The following DTNB variants were observed in gnomAD, a reference collection of about 807,000 sequenced individuals.
DTNB encodes dystrobrevin beta, also known as DTN-B.
In DTNB, 63 loss-of-function variants were observed where a neutral mutation model predicts 90.7. The observed-to-expected ratio is 0.69, with a 90% CI of 0.57 to 0.86. The LOEUF is 0.86. DTNB is among the 40% of genes least tolerant of loss of function. The pLI, the probability that DTNB is intolerant of heterozygous loss-of-function variation, is 0.00. For missense variants in DTNB, 744 were observed against 807.1 expected, an observed-to-expected ratio of 0.92 and a Z score of 0.95; for synonymous variants, 277 against 286.7, an observed-to-expected ratio of 0.97 and a Z score of 0.34.
intron 7 of DTNB, among the ~76,000 whole-genome samples, chr2:25,578,568 C>G (rs2061060918): frequency 6.6e-6 from 1 of 152,152 alleles, no homozygotes; most frequent in South Asian, 2.1e-4. Flanking sequence ...ACCTTCTCTT[C>G]CAAACCACTC....
At chr2:25,513,777 A>T (rs1272099176) in intron 9 of DTNB, among the ~76,000 whole-genome samples, 3 of 151,748 alleles carry the variant, frequency 2.0e-5, no homozygotes, top group Non-Finnish European at 2.9e-5. Context: ...ACCCCACAAG[A>T]AATAAAGCCT....
In DTNB at chr2:25,385,038, C is replaced by T. The variant is rs541525370; in HGVS notation, c.1826-1149G>A. Among the ~76,000 whole-genome samples the T allele has an allele frequency of 2.0e-5, 3 of 152,072 alleles. No homozygotes were observed. The East Asian group carries it at 5.8e-4, about 29-fold the overall frequency. On this transcript the variant is annotated intron_variant, in intron 18 of 20. Transcript: ENST00000406818. ...GGATTACAGACATGCACCACCATGC[C>T]AGGCTAATTTTGTATTTTTAGTAGA...
intron 4 of DTNB, among the ~76,000 whole-genome samples, chr2:25,609,356 T>C (rs2148530744): frequency 6.6e-6 from 1 of 152,218 alleles, no homozygotes; most frequent in African/African-American, 2.4e-5. Flanking sequence ...CCCAGCACTT[T>C]GGGAGGCCGA....
intron 2 of DTNB, among the ~76,000 whole-genome samples, chr2:25,646,332 C>A (rs1455347917): frequency 6.6e-6 from 1 of 151,956 alleles, no homozygotes. Flanking sequence ...ATTAGCCAGG[C>A]GTAGTGGCAG....
intron 4 of DTNB, among the ~76,000 whole-genome samples, chr2:25,608,119 G>A (rs778034518): frequency 2.3e-4 from 35 of 152,268 alleles, no homozygotes; most frequent in Admixed American, 5.9e-4. Flanking sequence ...AGTTATCACA[G>A]GTAAGCCAAG....
chr2:25,467,304 T>C (rs1020431968), intron 10 of DTNB, among the ~76,000 whole-genome samples: 8 of 148,990 alleles, frequency 5.4e-5, no homozygotes, highest in African/African-American at 1.2e-4. Flanking sequence ...TCTTTCTTTT[T>C]TTTTTTTTTT....
rs1256279622 is a variant in DTNB, at chr2:25,507,522, T to C, written c.1001+23951A>G. 2.0e-5 allele frequency among the ~76,000 whole-genome samples: 3 copies of C among 152,158 alleles called. No homozygotes were observed. In the South Asian group the frequency reaches 6.2e-4, roughly 31 times the overall value. On this transcript the variant is annotated intron_variant, in intron 9 of 20. Transcript: ENST00000406818. ...CCAAACTGACCTCTCCTTCTCACTC[T>C]CCAGTATTTGTCAGCAAATACTGTT... is the stretch of plus-strand genomic sequence containing the variant.
At chr2:25,388,656 T>G in intron 16 of DTNB, 1 of 339,920 alleles carries the variant, frequency 2.9e-6, no homozygotes, top group Non-Finnish European at 5.4e-6. Context: ...GCTGCGTGAC[T>G]GGGCCAGGGC....
chr2:25,628,551 C>T (rs2074964489), intron 3 of DTNB, among the ~76,000 whole-genome samples, 167 bp from the exon 4 acceptor site: 1 of 152,124 alleles, frequency 6.6e-6, no homozygotes, highest in African/African-American at 2.4e-5. Flanking sequence ...CAGTCCCAGA[C>T]AACATCAAGG....
Position 25,377,262 on chromosome 2 carries a change from C to T in DTNB, c.*321G>A, listed in dbSNP as rs1412653779. On this transcript the variant is annotated 3_prime_UTR_variant, in exon 21 of 21. Transcript: ENST00000406818. Reference sequence around the variant, plus strand: ...AAGAGCTTGGTGCTTTTTCTTTTCTCTTTTCAACCTCCAGGTGAATTCCTG... The same window carrying T: ...AAGAGCTTGGTGCTTTTTCTTTTCTTTTTTCAACCTCCAGGTGAATTCCTG... 1.3e-5 allele frequency: 2 copies of T among 152,970 alleles called. No homozygotes were observed. Among genetic ancestry groups the T allele is most frequent in the Non-Finnish European group, 2.9e-5 (2 of 68,172 alleles). The allele number at this position is 152,970 out of a possible 1,614,324, so 9.5% of individuals were successfully genotyped here. A position where few individuals can be genotyped will look rare whatever the true frequency, so the allele number is the denominator to read the frequency against.
intron 1 of DTNB, among the ~76,000 whole-genome samples, chr2:25,660,701 G>A (rs758569005): frequency 1.1e-4 from 17 of 151,782 alleles, no homozygotes; most frequent in Non-Finnish European, 1.9e-4. Context: ...TTTTTTTAAC[G>A]CTGTATAATT....
chr2:25,666,873 G>A (rs1425086870), intron 1 of DTNB, among the ~76,000 whole-genome samples: 1 of 152,086 alleles, frequency 6.6e-6, no homozygotes, highest in Non-Finnish European at 1.5e-5. Flanking sequence ...CAATGATGCT[G>A]GAGCTGAAAG....
At chr2:25,594,470 A>G (rs544926764) in intron 6 of DTNB, among the ~76,000 whole-genome samples, 20 of 152,360 alleles carry the variant, frequency 1.3e-4, no homozygotes, top group South Asian at 8.3e-4. Context: ...TAAACAAACT[A>G]AATACTATTT....
At chr2:25,400,297 C>G (rs886515424) in intron 16 of DTNB, among the ~76,000 whole-genome samples, 9 of 152,340 alleles carry the variant, frequency 5.9e-5, no homozygotes, top group African/African-American at 2.2e-4. Context: ...ACAGGCCAGA[C>G]AGAACACACT....
chr2:25,482,742 C>G, intron 10 of DTNB, 54 bp downstream of exon 10: 3 of 1,580,532 alleles, frequency 1.9e-6, no homozygotes, highest in Non-Finnish European at 2.6e-6. Context: ...GCAGGGGCAT[C>G]GCAAATCAGT....
At chr2:25,419,371 C>T (rs1372678145) in intron 16 of DTNB, 144 bp downstream of exon 16, 21 of 1,305,542 alleles carry the variant, frequency 1.6e-5, no homozygotes, top group Admixed American at 1.6e-4. Context: ...TTTTACAACA[C>T]CATGGGGAGA....
intron 10 of DTNB, among the ~76,000 whole-genome samples, chr2:25,473,462 T>C (rs2063179106): frequency 6.6e-6 from 1 of 152,116 alleles, no homozygotes; most frequent in Non-Finnish European, 1.5e-5. Flanking sequence ...TGTGTAAAAA[T>C]GTGTTTTTTA....
rs183537787 is a variant in DTNB at position 25,582,042 on chromosome 2, A to G, written c.604-1216T>C. Among the ~76,000 whole-genome samples, 424 of 152,378 alleles carry G rather than the reference A, an allele frequency of 2.8e-3. 2 individuals are homozygous for G. The highest frequency in any genetic ancestry group is 9.6e-3 in the African/African-American group (400 of 41,592). ...CCACCACTTTCTTAATGTGAAGAAC[A>G]GGATATAAAAAATATAGGTGTTTCC... On this transcript the variant is annotated intron_variant, in intron 6 of 20. Coordinates refer to ENST00000406818, the MANE Select transcript of DTNB (RefSeq NM_021907.5).
At chr2:25,564,236 T>C (rs1189615589) in intron 8 of DTNB, among the ~76,000 whole-genome samples, 1 of 152,182 alleles carries the variant, frequency 6.6e-6, no homozygotes, top group Non-Finnish European at 1.5e-5. Flanking sequence ...TAGGATCAGT[T>C]TATGGGGTTA....
Sources: gnomAD v4.1 joint callset for allele counts (sites outside exome capture counted in the v4.1 genomes callset) on GRCh38, gnomAD v4.1.1 for gene constraint, MANE v1.5 for transcripts, NCBI Gene and HGNC (gene_info 2026-07-23, HGNC 2026-07-21) for gene names.